ITSN1: variants seen among roughly 807,000 people sequenced by gnomAD.
ITSN1 encodes intersectin-1.
In ITSN1, 58 loss-of-function variants were observed where a neutral mutation model predicts 239.8. The observed-to-expected ratio is 0.24, with a 90% CI of 0.20 to 0.30. The LOEUF (loss-of-function observed/expected upper bound fraction) is 0.30. ITSN1 is among the 10% of genes least tolerant of loss of function. The pLI is 1.00. For synonymous variants in ITSN1, 780 were observed against 770.8 expected, an observed-to-expected ratio of 1.01 and a Z score of -0.20; for missense variants, 1,558 against 2,103.3, an observed-to-expected ratio of 0.74 and a Z score of 5.07.
chr21:33,734,628 C>A (rs916749547), intron 4 of ITSN1, among the ~76,000 whole-genome samples: 8 of 152,116 alleles, frequency 5.3e-5, no homozygotes, highest in Non-Finnish European at 1.0e-4. Flanking sequence ...AAATCTTTTT[C>A]TTTTCTAATA....
At chr21:33,832,324 C>T (rs2074342258) in intron 27 of ITSN1, among the ~76,000 whole-genome samples, 1 of 152,214 alleles carries the variant, frequency 6.6e-6, no homozygotes, top group African/African-American at 2.4e-5. Flanking sequence ...TGGCCCCGTG[C>T]CGGCACCACT....
intron 22 of ITSN1, chr21:33,817,471 T>G: frequency 7.7e-7 from 1 of 1,304,464 alleles, no homozygotes; most frequent in Non-Finnish European, 1.0e-6. Context: ...AATTCATCCC[T>G]GTTTTCTCTT....
In ITSN1 at chr21:33,737,932, C is replaced by T. The variant is rs139938093; in HGVS notation, c.346+2728C>T. Among the ~76,000 whole-genome samples, 558 of 152,228 alleles carry T rather than the reference C, an allele frequency of 3.7e-3. 2 individuals carry two copies. The highest frequency in any genetic ancestry group is 0.013 in the African/African-American group (528 of 41,534). On this transcript the variant is annotated intron_variant, in intron 5 of 39. Coordinates refer to ENST00000381318, the MANE Select transcript of ITSN1 (RefSeq NM_003024.3). Reference sequence around the variant, plus strand: ...GTGTGGTGGCTCATACCTGTAATCTCAGCACTTTGGGAGGCCGAGGTGGGC... The same window carrying T: ...GTGTGGTGGCTCATACCTGTAATCTTAGCACTTTGGGAGGCCGAGGTGGGC...
chr21:33,648,501 GCA>G (rs1156287816), intron 1 of ITSN1, among the ~76,000 whole-genome samples: 1 of 152,136 alleles, frequency 6.6e-6, no homozygotes, highest in African/African-American at 2.4e-5. Flanking sequence ...ACTGGGTGGG[GCA>G]CAAATTTGAA....
At chr21:33,693,933 A>G (rs1444228609) in intron 1 of ITSN1, among the ~76,000 whole-genome samples, 3 of 152,238 alleles carry the variant, frequency 2.0e-5, no homozygotes, top group Admixed American at 2.0e-4. Flanking sequence ...TTTTTGATAT[A>G]TTTTGTTTCT....
At chr21:33,655,511 C>T (rs1159639665) in intron 1 of ITSN1, among the ~76,000 whole-genome samples, 3 of 151,708 alleles carry the variant, frequency 2.0e-5, no homozygotes, top group Non-Finnish European at 4.4e-5. Context: ...ATCTCTACCT[C>T]CTGGGTTCAA....
At chr21:33,748,668 C>T (rs992294395) in intron 5 of ITSN1, among the ~76,000 whole-genome samples, 8 of 150,556 alleles carry the variant, frequency 5.3e-5, no homozygotes, top group African/African-American at 1.5e-4. Flanking sequence ...AGTAAGACCT[C>T]ATCTCTACCG....
Position 33,755,521 on chromosome 21 carries a change from C to CT in ITSN1, c.724+125dup, listed in dbSNP as rs113866959. On this transcript the variant is annotated intron_variant, in intron 8 of 39. Transcript: ENST00000381318. ...TTTCTTGGCAGTGTTTCCTTTGTCTCTGTTATCTCATGTTCTTATCCACTG... is the reference window on the plus strand; with the variant it reads ...TTTCTTGGCAGTGTTTCCTTTGTCTCTTGTTATCTCATGTTCTTATCCACTG... 1,487 of 600,654 alleles carry CT rather than the reference C, an allele frequency of 2.5e-3. 17 individuals are homozygous for CT. The African/African-American group carries it at 0.025, about 10-fold the overall frequency. The allele number at this position is 600,654 out of a possible 1,614,324, so 37.2% of individuals were successfully genotyped here.
At chr21:33,807,178 C>T (rs1008537540) in intron 20 of ITSN1, among the ~76,000 whole-genome samples, 2 of 152,092 alleles carry the variant, frequency 1.3e-5, no homozygotes, top group African/African-American at 4.8e-5. Context: ...CACTGTTATC[C>T]TTAGGGATGG....
At chr21:33,646,859 G>A (rs1035005365) in intron 1 of ITSN1, among the ~76,000 whole-genome samples, 10 of 152,018 alleles carry the variant, frequency 6.6e-5, no homozygotes, top group African/African-American at 2.2e-4. Flanking sequence ...GGTGGTGTGC[G>A]TCTATAGTCC....
chr21:33,789,462 G>C (rs1324428329), intron 16 of ITSN1, among the ~76,000 whole-genome samples: 1 of 151,966 alleles, frequency 6.6e-6, no homozygotes, highest in Non-Finnish European at 1.5e-5. Context: ...GTTTGTTTTT[G>C]TCTCTCATTT....
chr21:33,850,066 A>G lies in ITSN1; in HGVS notation c.3662-6670A>G, dbSNP rs62228977. ...TCCAGTGCCCATTATGAAGCTATGA[A>G]TGATACACCCTTTCACTCTCTGAAA... On this transcript the variant is annotated intron_variant, in intron 29 of 39. Transcript: ENST00000381318. 3.1e-3 allele frequency among the ~76,000 whole-genome samples: 479 copies of G among 152,332 alleles called. 3 individuals carry two copies. Among genetic ancestry groups the G allele is most frequent in the Non-Finnish European group, 4.9e-3 (330 of 68,018 alleles).
At chr21:33,743,862 A>G (rs949231915) in intron 5 of ITSN1, among the ~76,000 whole-genome samples, 4 of 152,238 alleles carry the variant, frequency 2.6e-5, no homozygotes, top group African/African-American at 7.2e-5. Context: ...TCTCAGGGAA[A>G]GAACAAGCCA....
At chr21:33,785,327 T>A (rs540200320) in intron 16 of ITSN1, among the ~76,000 whole-genome samples, 8 of 152,334 alleles carry the variant, frequency 5.3e-5, no homozygotes, top group Admixed American at 5.2e-4. Flanking sequence ...CTCAGAGTTA[T>A]GTCCAGTTTC....
rs563971419 is a variant in ITSN1 at position 33,867,655 on chromosome 21, A to G, written c.4173+324A>G. ...ATCTCTATTAAAAAAAAAAAAAAAA[A>G]AGAGAGCTAATACTGTGTCCGGAAT... On this transcript the variant is annotated intron_variant, in intron 33 of 39. Coordinates refer to ENST00000381318, the MANE Select transcript of ITSN1 (RefSeq NM_003024.3). Among the ~76,000 whole-genome samples the G allele has an allele frequency of 3.1e-3, 420 of 136,006 alleles. 5 individuals carry two copies. Among genetic ancestry groups the G allele is most frequent in the South Asian group, 0.03 (123 of 4,062 alleles). 89.2% of individuals were successfully genotyped at this position (136,006 alleles called of 152,430 possible). A position where few individuals can be genotyped will look rare whatever the true frequency, so the allele number is the denominator to read the frequency against.
intron 16 of ITSN1, among the ~76,000 whole-genome samples, chr21:33,784,661 A>C (rs1008534271): frequency 3.9e-5 from 6 of 152,234 alleles, no homozygotes; most frequent in Admixed American, 3.9e-4. Flanking sequence ...CAAACAATTA[A>C]ATTGGAGAAT....
chr21:33,644,827 C>CT (rs11380708), intron 1 of ITSN1, among the ~76,000 whole-genome samples: 56,777 of 147,400 alleles, frequency 0.39, 10,918 homozygotes, highest in East Asian at 0.57. Context: ...AATTCCTTTC[C>CT]TTTTTTTTTT....
chr21:33,725,144 T>C (rs1319191921), intron 4 of ITSN1, among the ~76,000 whole-genome samples: 1 of 144,728 alleles, frequency 6.9e-6, no homozygotes, highest in African/African-American at 2.5e-5. Context: ...TTTTTTTTTT[T>C]TTTTTTTTGA....
intron 8 of ITSN1, among the ~76,000 whole-genome samples, chr21:33,756,055 A>G (rs768540088): frequency 1.3e-5 from 2 of 152,270 alleles, no homozygotes; most frequent in East Asian, 1.9e-4. Context: ...TGTAATCCCA[A>G]TCCCAGCCCT....
Sources: gnomAD v4.1 joint callset for allele counts (sites outside exome capture counted in the v4.1 genomes callset) on GRCh38, gnomAD v4.1.1 for gene constraint, MANE v1.5 for transcripts, NCBI Gene and HGNC (gene_info 2026-07-23, HGNC 2026-07-21) for gene names.